The following USP25 variants were observed in gnomAD, a reference collection of about 807,000 sequenced individuals.
USP25 encodes the protein ubiquitin carboxyl-terminal hydrolase 25.
USP25 carries 85 observed loss-of-function variants against 158.5 expected under a neutral mutation model. That is an observed-to-expected ratio of 0.54 (90% confidence interval 0.45 to 0.64). The LOEUF (loss-of-function observed/expected upper bound fraction) is 0.64, where lower values mean the gene tolerates loss of function less well. USP25 is among the 30% of genes least tolerant of loss of function. The pLI is 0.00. For missense variants in USP25, 1,242 were observed against 1,327.3 expected, an observed-to-expected ratio of 0.94 and a Z score of 1.00; for synonymous variants, 464 against 460.4, an observed-to-expected ratio of 1.01 and a Z score of -0.10.
chr21:15,809,152 C>T (rs1037829101), intron 8 of USP25, among the ~76,000 whole-genome samples: 4 of 152,086 alleles, frequency 2.6e-5, no homozygotes, highest in East Asian at 3.9e-4. Flanking sequence ...AATGAATTTG[C>T]GGTGGAGAAA....
In USP25 at chr21:15,811,126, A is replaced by G; in HGVS notation, c.858-11A>G. 2 of 1,599,920 alleles carry G rather than the reference A, an allele frequency of 1.3e-6. No homozygotes were observed. Among genetic ancestry groups the G allele is most frequent in the Non-Finnish European group, 1.7e-6 (2 of 1,175,704 alleles). ...ATTGTAATCACATTTATATTTTTTA[A>G]CATACTTTAGGGATGAAGAGAAGCC... On this transcript the variant is annotated splice_polypyrimidine_tract_variant and intron_variant, in intron 8 of 25. Coordinates refer to ENST00000400183, the MANE Select transcript of USP25 (RefSeq NM_001283041.3).
intron 23 of USP25, 139 bp from the exon 24 acceptor site, chr21:15,874,264 A>T (rs1223814371): frequency 5.5e-6 from 4 of 725,306 alleles, no homozygotes; most frequent in South Asian, 2.3e-5. Context: ...TCAAGCATAC[A>T]CTGCGTCAGA....
At chr21:15,848,164 C>T (rs975060677) in intron 19 of USP25, among the ~76,000 whole-genome samples, 2 of 152,104 alleles carry the variant, frequency 1.3e-5, no homozygotes, top group Non-Finnish European at 2.9e-5. Context: ...TTCCCACTAT[C>T]TCCTGCCAGA....
chr21:15,847,711 G>A lies in USP25; in HGVS notation c.2386G>A (p.Glu796Lys). 1.9e-6 allele frequency: 3 copies of A among 1,550,244 alleles called. No homozygotes were observed. Among genetic ancestry groups the A allele is most frequent in the Non-Finnish European group, 2.6e-6 (3 of 1,146,710 alleles). ...ACCACTTTCTAATCAGCGAGTTGTA[G>A]AGGTGGCGATCCCTCATGTAGGGAA... ...SQPLSNQRVV[E>K]VAIPHVGKFM... is the part of the protein sequence containing the mutation. Residue 796 changes from glutamate (E) to lysine (K), a missense_variant, in exon 19 of 26, where the codon GAG (glutamate) becomes AAG (lysine). Coordinates refer to ENST00000400183, the MANE Select transcript of USP25 (RefSeq NM_001283041.3).
At chr21:15,864,003 A>G (rs990727457) in intron 20 of USP25, among the ~76,000 whole-genome samples, 10 of 147,642 alleles carry the variant, frequency 6.8e-5, no homozygotes, top group South Asian at 4.3e-4. Flanking sequence ...CGCCACTGCA[A>G]TCCATCCTGG....
At chr21:15,840,751 A>G (rs1249290718) in intron 17 of USP25, among the ~76,000 whole-genome samples, 1 of 152,198 alleles carries the variant, frequency 6.6e-6, no homozygotes, top group Non-Finnish European at 1.5e-5. Context: ...CAATTTTACA[A>G]AGATTCTAGG....
At chr21:15,818,960 G>C in intron 10 of USP25, 114 bp downstream of exon 10, 1 of 1,264,138 alleles carries the variant, frequency 7.9e-7, no homozygotes. Flanking sequence ...AGAATACTCA[G>C]AGAGTATGTT....
At chr21:15,846,153 TA>T (rs1399866883) in intron 18 of USP25, among the ~76,000 whole-genome samples, 3,071 of 59,400 alleles carry the variant, frequency 0.052, 113 homozygotes, top group African/African-American at 0.1. Flanking sequence ...TATATATATA[TA>T]TATATTTTTT....
chr21:15,825,147 G>C (rs1442262513), intron 12 of USP25, 86 bp downstream of exon 12: 1 of 1,019,090 alleles, frequency 9.8e-7, no homozygotes, highest in African/African-American at 1.6e-5. Flanking sequence ...TTTGCTTTGA[G>C]TGATTTATAA....
At position 15,878,637 on chromosome 21, in the gene USP25, A is replaced by T; in HGVS notation, c.*162A>T. ...TATACAGACTTTAGTCAGACTGCAGACAATAAAGCTGAAAATCGCATGGCG... is the reference window on the plus strand; with the variant it reads ...TATACAGACTTTAGTCAGACTGCAGTCAATAAAGCTGAAAATCGCATGGCG... On this transcript the variant is annotated 3_prime_UTR_variant, in exon 26 of 26. Coordinates refer to ENST00000400183, the MANE Select transcript of USP25 (RefSeq NM_001283041.3). 1.6e-6 allele frequency: 1 copy of T among 620,968 alleles called. No homozygotes were observed. The highest frequency in any genetic ancestry group is 2.4e-6 in the Non-Finnish European group (1 of 411,950). The allele number at this position is 620,968 out of a possible 1,614,324, so 38.5% of individuals were successfully genotyped here. A position where few individuals can be genotyped will look rare whatever the true frequency, so the allele number is the denominator to read the frequency against.
At chr21:15,742,903 T>A (rs2032191761) in intron 1 of USP25, among the ~76,000 whole-genome samples, 1 of 152,176 alleles carries the variant, frequency 6.6e-6, no homozygotes, top group Non-Finnish European at 1.5e-5. Flanking sequence ...GGACTGGGTA[T>A]ACCGCATGTG....
intron 4 of USP25, among the ~76,000 whole-genome samples, chr21:15,788,399 C>A (rs1433729553): frequency 6.6e-6 from 1 of 152,076 alleles, no homozygotes; most frequent in Non-Finnish European, 1.5e-5. Flanking sequence ...ATCAGTCAGT[C>A]AATCAATAAC....
At chr21:15,748,092 C>T (rs916492304) in intron 1 of USP25, among the ~76,000 whole-genome samples, 2 of 152,012 alleles carry the variant, frequency 1.3e-5, no homozygotes, top group Admixed American at 6.5e-5. Flanking sequence ...AGTTTCATTC[C>T]ACTTGGGTTT....
chr21:15,783,820 A>T (rs1475419352), intron 4 of USP25, among the ~76,000 whole-genome samples: 1 of 151,300 alleles, frequency 6.6e-6, no homozygotes, highest in South Asian at 2.1e-4. Flanking sequence ...AATACAAAAA[A>T]TTAGCCAGGC....
chr21:15,788,807 A>G (rs1371840674), intron 4 of USP25, among the ~76,000 whole-genome samples: 6 of 152,122 alleles, frequency 3.9e-5, no homozygotes, highest in South Asian at 2.1e-4. Flanking sequence ...GTGAATGACA[A>G]TATCTACCAT....
intron 5 of USP25, among the ~76,000 whole-genome samples, chr21:15,798,387 G>T (rs771872990): frequency 4.0e-5 from 6 of 151,196 alleles, no homozygotes; most frequent in Non-Finnish European, 8.9e-5. Context: ...TTCTCCACTC[G>T]TTTTTCTTCT....
At chr21:15,793,405 C>T (rs1196717558) in intron 5 of USP25, among the ~76,000 whole-genome samples, 1 of 145,992 alleles carries the variant, frequency 6.8e-6, no homozygotes, top group Non-Finnish European at 1.5e-5. Flanking sequence ...TCTGTTTCTA[C>T]CCTAAGTTTG....
intron 18 of USP25, among the ~76,000 whole-genome samples, chr21:15,845,356 AC>A (rs1306381104): frequency 6.6e-6 from 1 of 152,176 alleles, no homozygotes; most frequent in Non-Finnish European, 1.5e-5. Context: ...AGACCTGAAA[AC>A]AATAGAAAAA....
chr21:15,785,300 G>C (rs1303764006), intron 4 of USP25, among the ~76,000 whole-genome samples: 1 of 152,144 alleles, frequency 6.6e-6, no homozygotes, highest in Non-Finnish European at 1.5e-5. Flanking sequence ...TACAACAATA[G>C]TAGGGACTTC....
Sources: allele counts gnomAD v4.1 joint callset (sites outside exome capture counted in the v4.1 genomes callset), GRCh38; gene constraint gnomAD v4.1.1; transcripts MANE v1.5; gene names NCBI Gene and HGNC (gene_info 2026-07-23, HGNC 2026-07-21).